Variants in SPART observed in about 807,000 individuals in gnomAD.
SPART encodes the protein spastic paraplegia 20 (Troyer syndrome).
SPART carries 35 observed loss-of-function variants against 58.7 expected under a neutral mutation model. That is an observed-to-expected ratio of 0.60 (90% CI 0.46 to 0.79). SPART has a LOEUF of 0.79. Among genes scored for constraint, SPART ranks in the 30% least tolerant of loss-of-function variants. SPART has a pLI of 0.00. For missense variants in SPART, 730 were observed against 786.1 expected (o/e 0.93, Z 0.85); for synonymous variants, 284 against 280.7 (o/e 1.01, Z -0.12).
intron 1 of SPART, among the ~76,000 whole-genome samples, chr13:36,363,117 G>C (rs528232811): frequency 2.2e-4 from 33 of 152,310 alleles, no homozygotes; most frequent in African/African-American, 5.5e-4. Context: ...ACCACACTTT[G>C]AGTGGCATGG....
chr13:36,324,759 C>G (rs561199942), intron 5 of SPART, among the ~76,000 whole-genome samples: 3 of 152,090 alleles, frequency 2.0e-5, no homozygotes, highest in South Asian at 2.1e-4. Flanking sequence ...TGGGTGCAAG[C>G]GGGCTGAGAC....
In SPART at chr13:36,321,749, C is replaced by G. The variant is rs370073439; in HGVS notation, c.1288+4826G>C. On this transcript the variant is annotated intron_variant, in intron 5 of 8. Coordinates refer to ENST00000438666, the MANE Select transcript of SPART (RefSeq NM_015087.5). ...ATATAAGAAGTCAGGAATGTCAGGCCTCTGAGCCCAAGCCAAGCCATCGCG... is the reference window on the plus strand; with the variant it reads ...ATATAAGAAGTCAGGAATGTCAGGCGTCTGAGCCCAAGCCAAGCCATCGCG... 5.7e-4 allele frequency among the ~76,000 whole-genome samples: 87 copies of G among 152,254 alleles called. No homozygotes were observed. The East Asian group carries it at 0.017, about 29-fold the overall frequency.
At chr13:36,346,595 C>G (rs1885152848), upstream of SPART, 1 of 152,268 alleles carries the variant, frequency 6.6e-6, no homozygotes, top group Non-Finnish European at 1.5e-5. Context: ...CTAAATGGTA[C>G]GTGGGAGGAC....
At chr13:36,360,914 G>A (rs1177043352) in intron 1 of SPART, among the ~76,000 whole-genome samples, 1 of 152,138 alleles carries the variant, frequency 6.6e-6, no homozygotes, top group Non-Finnish European at 1.5e-5. Context: ...GAGATGCCAT[G>A]CAGGCTCTAA....
intron 1 of SPART, among the ~76,000 whole-genome samples, chr13:36,356,982 T>G (rs2137707552): frequency 6.6e-6 from 1 of 152,344 alleles, no homozygotes; most frequent in Admixed American, 6.5e-5. Context: ...CCCTCAAACC[T>G]ATTTTCCCCA....
chr13:36,320,912 C>A (rs1317414640), intron 5 of SPART, among the ~76,000 whole-genome samples: 3 of 152,174 alleles, frequency 2.0e-5, no homozygotes, highest in Non-Finnish European at 4.4e-5. Context: ...TTCAGTGAAA[C>A]CTTTATATCC....
At chr13:36,315,331 C>G (rs886985947) in intron 5 of SPART, among the ~76,000 whole-genome samples, 30 of 152,200 alleles carry the variant, frequency 2.0e-4, no homozygotes, top group African/African-American at 7.2e-4. Context: ...TTACCCTACT[C>G]TGCAGAGACT....
Position 36,343,215 on chromosome 13 carries a change from T to A in SPART, c.-3+3010A>T, listed in dbSNP as rs145284920. ...AACTTACAGAATTAGTTATAGGAAA[T>A]TTTTAAACTTAGCTTCAATTTATAT... On this transcript the variant is annotated intron_variant, in intron 1 of 8. Coordinates refer to ENST00000438666, the MANE Select transcript of SPART (RefSeq NM_015087.5). Among the ~76,000 whole-genome samples, 1,225 of 152,296 alleles carry A rather than the reference T, an allele frequency of 8.0e-3. 27 individuals are homozygous for A. Among genetic ancestry groups the A allele is most frequent in the Admixed American group, 0.052 (801 of 15,292 alleles).
chr13:36,315,778 T>C (rs996745115), intron 5 of SPART, among the ~76,000 whole-genome samples: 10 of 151,990 alleles, frequency 6.6e-5, no homozygotes, highest in African/African-American at 2.2e-4. Context: ...CAGCTGAACA[T>C]GAAGACTGAG....
intron 1 of SPART, among the ~76,000 whole-genome samples, 163 bp from the exon 2 acceptor site, chr13:36,335,995 A>G (rs1430659403): frequency 1.3e-5 from 2 of 152,256 alleles, no homozygotes; most frequent in African/African-American, 4.8e-5. Flanking sequence ...TGTCATAAAG[A>G]AAGCACTTAA....
rs1159470011 is a variant in SPART at position 36,312,357 on chromosome 13, AGAG to A, written c.1601_1603del (p.Pro534del). 14 of 1,614,000 alleles carry A rather than the reference AGAG, an allele frequency of 8.7e-6. No individual in the cohort carries two copies. Among genetic ancestry groups the A allele is most frequent in the Middle Eastern group, 1.6e-4 (1 of 6,084 alleles). Reference sequence around the variant, plus strand: ...TGCTGCTACAACCATAGCACCATCCAGAGGAGATTTCCCATCTTTGTCTTTTTT... The same window carrying A: ...TGCTGCTACAACCATAGCACCATCCAGAGATTTCCCATCTTTGTCTTTTTT... On this transcript the variant is annotated inframe_deletion, in exon 7 of 9. Coordinates refer to ENST00000438666, the MANE Select transcript of SPART (RefSeq NM_015087.5).
intron 4 of SPART, among the ~76,000 whole-genome samples, chr13:36,327,058 G>T (rs1159093806): frequency 2.0e-5 from 3 of 152,120 alleles, no homozygotes; most frequent in Non-Finnish European, 4.4e-5. Context: ...AAGATTAAAA[G>T]ATTTTTGTTA....
chr13:36,354,884 G>A (rs1194641925), intron 1 of SPART, among the ~76,000 whole-genome samples: 1 of 152,090 alleles, frequency 6.6e-6, no homozygotes, highest in Non-Finnish European at 1.5e-5. Flanking sequence ...ATAAATTTCA[G>A]TTTTGGCATA....
At chr13:36,317,300 G>A (rs1326229766) in intron 5 of SPART, among the ~76,000 whole-genome samples, 2 of 151,832 alleles carry the variant, frequency 1.3e-5, no homozygotes, top group African/African-American at 4.8e-5. Flanking sequence ...CTGCTTTTCT[G>A]GGGGAGGGGC....
intron 1 of SPART, among the ~76,000 whole-genome samples, chr13:36,340,248 A>T (rs1237948420): frequency 6.6e-6 from 1 of 152,000 alleles, no homozygotes; most frequent in Non-Finnish European, 1.5e-5. Flanking sequence ...CTGTAGTCCC[A>T]GCTACTCAGG....
At chr13:36,332,108 C>T (rs1416409828) in intron 2 of SPART, among the ~76,000 whole-genome samples, 2 of 152,100 alleles carry the variant, frequency 1.3e-5, no homozygotes, top group Non-Finnish European at 2.9e-5. Flanking sequence ...TCAATTAAGT[C>T]GCCCAGAACC....
intron 1 of SPART, among the ~76,000 whole-genome samples, chr13:36,355,355 A>T (rs979606885): frequency 5.3e-5 from 8 of 152,182 alleles, no homozygotes; most frequent in African/African-American, 1.7e-4. Flanking sequence ...TTAAGTTATC[A>T]TGGCAGAGCT....
intron 1 of SPART, chr13:36,368,205 A>C (rs1348777852): frequency 2.1e-6 from 1 of 465,606 alleles, no homozygotes; most frequent in Admixed American, 2.4e-5. Flanking sequence ...CAGCATGTTA[A>C]GCACTATATG....
In SPART at chr13:36,330,755, G is replaced by A. The variant is rs920000538; in HGVS notation, c.1008+644C>T. 3.9e-5 allele frequency among the ~76,000 whole-genome samples: 6 copies of A among 152,122 alleles called. No individual in the cohort carries two copies. In the East Asian group the frequency reaches 9.6e-4, roughly 24 times the overall value. Reference sequence around the variant, plus strand: ...GTACGCATGTGGGCAGAGGAAACATGCCAAATAAGGAAAGTTCCAGGATGA... The same window carrying A: ...GTACGCATGTGGGCAGAGGAAACATACCAAATAAGGAAAGTTCCAGGATGA... On this transcript the variant is annotated intron_variant, in intron 3 of 8. Transcript: ENST00000438666.
Sources: gnomAD v4.1 joint callset for allele counts (sites outside exome capture counted in the v4.1 genomes callset) on GRCh38, gnomAD v4.1.1 for gene constraint, MANE v1.5 for transcripts, NCBI Gene and HGNC (gene_info 2026-07-23, HGNC 2026-07-21) for gene names.